The following FAM13A variants were observed in gnomAD, a reference collection of about 807,000 sequenced individuals.
FAM13A encodes the protein family with sequence similarity 13 member A, also known as protein FAM13A.
Under a neutral mutation model 129.6 loss-of-function variants are expected in FAM13A, and 76 were observed. The observed-to-expected ratio is 0.59, with a 90% CI of 0.49 to 0.71. The LOEUF is 0.71. FAM13A is among the 30% of genes least tolerant of loss of function. FAM13A has a pLI of 0.00. For missense variants in FAM13A, 1,108 were observed against 1,249.3 expected (o/e 0.89, Z 1.70); for synonymous variants, 443 against 449.9 (o/e 0.98, Z 0.20).
intron 6 of FAM13A, among the ~76,000 whole-genome samples, chr4:88,884,420 G>A (rs1744082300): frequency 6.6e-6 from 1 of 151,988 alleles, no homozygotes; most frequent in African/African-American, 2.4e-5. Context: ...GCTCAATAGA[G>A]GCACAAAAAG....
intron 7 of FAM13A, among the ~76,000 whole-genome samples, chr4:88,810,848 C>T (rs1729536320): frequency 6.6e-6 from 1 of 152,076 alleles, no homozygotes; most frequent in South Asian, 2.1e-4. Context: ...ACATATAAAT[C>T]AGATATAAAT....
At chr4:88,863,266 C>A (rs1423789406) in intron 6 of FAM13A, among the ~76,000 whole-genome samples, 2 of 152,046 alleles carry the variant, frequency 1.3e-5, no homozygotes, top group African/African-American at 4.8e-5. Context: ...TTAATCGTGC[C>A]CACCTAATGG....
chr4:88,996,679 G>A (rs180890542), intron 3 of FAM13A, among the ~76,000 whole-genome samples: 30 of 152,180 alleles, frequency 2.0e-4, no homozygotes, highest in African/African-American at 7.2e-4. Context: ...CCAGGGTGAA[G>A]GCTAGTGATA....
intron 7 of FAM13A, among the ~76,000 whole-genome samples, chr4:88,834,803 C>T (rs906438903): frequency 6.6e-6 from 1 of 152,116 alleles, no homozygotes; most frequent in Non-Finnish European, 1.5e-5. Context: ...CCAAGTGATA[C>T]CTGAATGAAT....
chr4:88,950,574 A>G (rs897787555), intron 4 of FAM13A, among the ~76,000 whole-genome samples: 3 of 152,216 alleles, frequency 2.0e-5, no homozygotes, highest in Non-Finnish European at 4.4e-5. Flanking sequence ...AATAGTATAG[A>G]AGTAAGAAGA....
At chr4:89,020,076 G>A (rs1267668342) in intron 3 of FAM13A, among the ~76,000 whole-genome samples, 1 of 152,052 alleles carries the variant, frequency 6.6e-6, no homozygotes, top group Non-Finnish European at 1.5e-5. Flanking sequence ...CGTTACTGAA[G>A]TAGTCACATG....
intron 5 of FAM13A, among the ~76,000 whole-genome samples, chr4:88,920,123 C>T (rs1240029951): frequency 1.3e-5 from 2 of 152,216 alleles, no homozygotes; most frequent in Admixed American, 6.5e-5. Flanking sequence ...GGGGGCAGGG[C>T]ACAGACAAAC....
At chr4:88,792,549 T>C (rs1265345846) in intron 8 of FAM13A, among the ~76,000 whole-genome samples, 4 of 152,102 alleles carry the variant, frequency 2.6e-5, no homozygotes, top group Non-Finnish European at 5.9e-5. Flanking sequence ...TCCTTGCTTT[T>C]GCTACTTTGT....
intron 15 of FAM13A, 23 bp from the exon 16 acceptor site, chr4:88,749,932 C>A: frequency 6.2e-7 from 1 of 1,610,878 alleles, no homozygotes; most frequent in South Asian, 1.1e-5. Context: ...CGACTTGGGT[C>A]AGTTTCCCCA....
At chr4:88,910,328 T>C (rs1748887303) in intron 5 of FAM13A, among the ~76,000 whole-genome samples, 1 of 152,112 alleles carries the variant, frequency 6.6e-6, no homozygotes, top group African/African-American at 2.4e-5. Flanking sequence ...CAGTTAAAAA[T>C]ACAATAAGGA....
At chr4:88,828,807 T>A (rs1733441502) in intron 7 of FAM13A, among the ~76,000 whole-genome samples, 1 of 152,200 alleles carries the variant, frequency 6.6e-6, no homozygotes, top group African/African-American at 2.4e-5. Flanking sequence ...TACTAACAAA[T>A]AACTGGCTTA....
At chr4:88,980,887 T>C (rs913405966) in intron 4 of FAM13A, among the ~76,000 whole-genome samples, 2 of 152,218 alleles carry the variant, frequency 1.3e-5, no homozygotes, top group African/African-American at 4.8e-5. Context: ...GTAAATATTA[T>C]ACCAGTAAAT....
At chr4:88,869,857 A>T (rs572525703) in intron 6 of FAM13A, among the ~76,000 whole-genome samples, 107 of 152,348 alleles carry the variant, frequency 7.0e-4, no homozygotes, top group South Asian at 3.3e-3. Flanking sequence ...GCATGAAAAG[A>T]CGAAAGGACT....
At chr4:88,973,487 T>C (rs1364128577) in intron 4 of FAM13A, among the ~76,000 whole-genome samples, 1 of 152,240 alleles carries the variant, frequency 6.6e-6, no homozygotes, top group African/African-American at 2.4e-5. Context: ...TTTTGATTTC[T>C]AGCATTGCTT....
At chr4:89,019,535 T>A (rs749684700) in intron 3 of FAM13A, among the ~76,000 whole-genome samples, 1 of 151,682 alleles carries the variant, frequency 6.6e-6, no homozygotes, top group Non-Finnish European at 1.5e-5. Context: ...CCAAGATGGG[T>A]GAATCACCTG....
Position 88,726,061 on chromosome 4 carries a change from C to G in FAM13A, c.*2472G>C, listed in dbSNP as rs566287256. Reference sequence around the variant, plus strand: ...GTGCTAATTAATAAACACATATTCCCAACACAGCAAAGGAAAAATCCCAGT... The same window carrying G: ...GTGCTAATTAATAAACACATATTCCGAACACAGCAAAGGAAAAATCCCAGT... On this transcript the variant is annotated 3_prime_UTR_variant, in exon 24 of 24. Coordinates refer to ENST00000264344, the MANE Select transcript of FAM13A (RefSeq NM_014883.4). 2.6e-5 allele frequency: 4 copies of G among 152,238 alleles called. No individual in the cohort carries two copies. The highest frequency in any genetic ancestry group is 4.2e-4 in the South Asian group (2 of 4,818). 9.4% of individuals were successfully genotyped at this position (152,238 alleles called of 1,614,324 possible).
chr4:89,028,771 TAAA>T lies in FAM13A; in HGVS notation c.217+686_217+688del, dbSNP rs33910983. ...CATGTACCCTAAAACTTAAAGTACA[TAAA>T]AAAAAAAAAAAGATGTAGGGAATAT... On this transcript the variant is annotated intron_variant, in intron 2 of 23. Transcript: ENST00000264344. Among the ~76,000 whole-genome samples the T allele has an allele frequency of 8.4e-4, 116 of 137,986 alleles. 1 individual carries two copies. Among genetic ancestry groups the T allele is most frequent in the African/African-American group, 3.0e-3 (114 of 38,442 alleles). 90.5% of individuals were successfully genotyped at this position (137,986 alleles called of 152,430 possible).
At chr4:89,047,706 G>A (rs1418001975) in intron 1 of FAM13A, among the ~76,000 whole-genome samples, 1 of 152,092 alleles carries the variant, frequency 6.6e-6, no homozygotes, top group South Asian at 2.1e-4. Flanking sequence ...GAAAACTAGC[G>A]GCTTTGGTGA....
At chr4:88,936,835 T>C (rs1270207779) in intron 5 of FAM13A, 1 of 152,160 alleles carries the variant, frequency 6.6e-6, no homozygotes, top group African/African-American at 2.4e-5. Flanking sequence ...GGTCCTTTAA[T>C]AGTTGTACAT....
Sources: gnomAD v4.1 joint callset for allele counts (sites outside exome capture counted in the v4.1 genomes callset) on GRCh38, gnomAD v4.1.1 for gene constraint, MANE v1.5 for transcripts, NCBI Gene and HGNC (gene_info 2026-07-23, HGNC 2026-07-21) for gene names.